The following NFYB variants were observed in gnomAD, a reference collection of about 807,000 sequenced individuals.
NFYB encodes nuclear transcription factor Y subunit beta.
A neutral mutation model predicts 28.0 loss-of-function variants in NFYB; 13 were observed. The observed-to-expected ratio is 0.46, with a 90% CI of 0.30 to 0.74. The LOEUF (loss-of-function observed/expected upper bound fraction) is 0.74, where lower values mean the gene tolerates loss of function less well. NFYB is among the 30% of genes least tolerant of loss of function. The probability of loss-of-function intolerance (pLI) is 0.07; values close to 1 mark genes in which losing one functional copy is unlikely to be tolerated. For missense variants in NFYB, 142 were observed against 247.6 expected (o/e 0.57, Z 2.86); for synonymous variants, 74 against 75.0 (o/e 0.99, Z 0.07).
At chr12:104,132,043 C>A (rs933151961) in intron 2 of NFYB, among the ~76,000 whole-genome samples, 1 of 152,182 alleles carries the variant, frequency 6.6e-6, no homozygotes, top group African/African-American at 2.4e-5. Flanking sequence ...AATGGGCATA[C>A]TCAGTAAGTG....
chr12:104,119,906 C>A, intron 7 of NFYB, 137 bp from the exon 8 acceptor site: 1 of 616,678 alleles, frequency 1.6e-6, no homozygotes, highest in African/African-American at 1.8e-5. Flanking sequence ...TTCTAGAAAT[C>A]TCCTATGCAA....
chr12:104,132,805 CCTG>C (rs2030972531), intron 2 of NFYB, among the ~76,000 whole-genome samples: 1 of 152,116 alleles, frequency 6.6e-6, no homozygotes, highest in African/African-American at 2.4e-5. Flanking sequence ...ACTTGAAAGG[CCTG>C]ATATGAGACT....
At position 104,126,234 on chromosome 12, in the gene NFYB, G is replaced by A. The variant is rs753930355; in HGVS notation, c.111C>T (p.Asp37=). The change falls in exon 4 of 8, where the codon GAC becomes GAT. Residue 37 remains aspartate (D), a synonymous_variant. Coordinates refer to ENST00000240055, the MANE Select transcript of NFYB (RefSeq NM_006166.4). ...YVIQPHDDTE[D]SMNDHEDTNG... The stretch of plus-strand genomic sequence containing the variant: ...TTGTGTCTTCATGATCATTCATGCT[G>A]TCCTCAGTATCTAAAGAAATAAAAA... The A allele has an allele frequency of 1.1e-5, 18 of 1,584,200 alleles. No individual in the cohort carries two copies. Among genetic ancestry groups the A allele is most frequent in the Non-Finnish European group, 1.2e-5 (14 of 1,168,628 alleles).
At position 104,118,308 on chromosome 12, in the gene NFYB, A is replaced by C. The variant is rs1395781438; in HGVS notation, c.*1429T>G. The C allele has an allele frequency of 1.3e-5, 2 of 152,550 alleles. No homozygotes were observed. Among genetic ancestry groups the C allele is most frequent in the Non-Finnish European group, 2.9e-5 (2 of 68,032 alleles). The allele number at this position is 152,550 out of a possible 1,614,324, so 9.4% of individuals were successfully genotyped here. A position where few individuals can be genotyped will look rare whatever the true frequency, so the allele number is the denominator to read the frequency against. On this transcript the variant is annotated 3_prime_UTR_variant, in exon 8 of 8. Transcript: ENST00000240055. ...CCATTTTTTCCTATTTGAATTTACT[A>C]CAATGAAGTTTGTTTTTTAAATGGA...
At chr12:104,132,779 G>A (rs1482809228) in intron 2 of NFYB, among the ~76,000 whole-genome samples, 1 of 152,232 alleles carries the variant, frequency 6.6e-6, no homozygotes, top group East Asian at 1.9e-4. Flanking sequence ...AGTGGTGCCA[G>A]TATGTCCAGT....
At chr12:104,132,362 G>A (rs1020690407) in intron 2 of NFYB, among the ~76,000 whole-genome samples, 8 of 151,998 alleles carry the variant, frequency 5.3e-5, no homozygotes. Flanking sequence ...CGGTGGACAA[G>A]AGGAAATCAA....
At position 104,119,536 on chromosome 12, in the gene NFYB, CA is replaced by C. The variant is rs2030385947; in HGVS notation, c.*200del. On this transcript the variant is annotated 3_prime_UTR_variant, in exon 8 of 8. Coordinates refer to ENST00000240055, the MANE Select transcript of NFYB (RefSeq NM_006166.4). Reference sequence around the variant, plus strand: ...AAAATATTTTAATACCTTTAAAATCCAAATTTTTCTTTAAAATCATTCATGA... The same window carrying C: ...AAAATATTTTAATACCTTTAAAATCCAATTTTTCTTTAAAATCATTCATGA... 1 of 472,458 alleles carries C rather than the reference CA, an allele frequency of 2.1e-6. No individual in the cohort carries two copies. Among genetic ancestry groups the C allele is most frequent in the African/African-American group, 1.9e-5 (1 of 51,726 alleles). 29.3% of individuals were successfully genotyped at this position (472,458 alleles called of 1,614,324 possible).
intron 3 of NFYB, 96 bp from the exon 4 acceptor site, chr12:104,126,340 G>T: frequency 1.1e-6 from 1 of 927,292 alleles, no homozygotes. Context: ...AATCATTCTG[G>T]TTCACCTCTT....
intron 1 of NFYB, 134 bp downstream of exon 1, chr12:104,138,007 G>A (rs2031186589): frequency 6.8e-6 from 1 of 146,068 alleles, no homozygotes. Flanking sequence ...GGCCCGCGCG[G>A]GAGGGCGGGA....
At chr12:104,121,749 A>AT (rs947523063) in intron 5 of NFYB, among the ~76,000 whole-genome samples, 6 of 152,140 alleles carry the variant, frequency 3.9e-5, no homozygotes, top group African/African-American at 1.4e-4. Flanking sequence ...AAAATTCCTA[A>AT]ATTAATTTGG....
chr12:104,135,920 C>CCCTTG (rs773166665), intron 1 of NFYB, among the ~76,000 whole-genome samples: 43 of 152,230 alleles, frequency 2.8e-4, no homozygotes, highest in Non-Finnish European at 6.2e-4. Context: ...ACTCAAGATG[C>CCCTTG]AAACACACCC....
rs748464620 is a variant in NFYB, at chr12:104,120,481, TA to T, written c.512-3del. 1 of 1,611,952 alleles carries T rather than the reference TA, an allele frequency of 6.2e-7. No individual in the cohort carries two copies. Among genetic ancestry groups the T allele is most frequent in the Non-Finnish European group, 8.5e-7 (1 of 1,178,236 alleles). On this transcript the variant is annotated splice_polypyrimidine_tract_variant and splice_region_variant and intron_variant, in intron 6 of 7. Coordinates refer to ENST00000240055, the MANE Select transcript of NFYB (RefSeq NM_006166.4). ...TTAAGCCAGCTGGTAACTGGTTAGC[TA>T]AAAGAAAAAAAATTAGTTAAAGAGG... is the stretch of plus-strand genomic sequence containing the variant.
chr12:104,118,756 T>C lies in NFYB; in HGVS notation c.*981A>G, dbSNP rs2030355525. On this transcript the variant is annotated 3_prime_UTR_variant, in exon 8 of 8. Transcript: ENST00000240055. ...TCACTCTGTTCTCCATTTCATCCACTCACCCATGCAAAAGGTCTGTACACG... is the reference window on the plus strand; with the variant it reads ...TCACTCTGTTCTCCATTTCATCCACCCACCCATGCAAAAGGTCTGTACACG... 1 of 152,146 alleles carries C rather than the reference T, an allele frequency of 6.6e-6. No individual in the cohort carries two copies. The highest frequency in any genetic ancestry group is 6.6e-5 in the Admixed American group (1 of 15,262). 9.4% of individuals were successfully genotyped at this position (152,146 alleles called of 1,614,324 possible).
intron 2 of NFYB, among the ~76,000 whole-genome samples, chr12:104,129,687 T>G (rs991238442): frequency 1.3e-5 from 2 of 152,096 alleles, no homozygotes; most frequent in Admixed American, 1.3e-4. Context: ...AAGATCAGCC[T>G]GGGCAACACA....
chr12:104,128,519 T>G lies in NFYB; in HGVS notation c.7-2A>C, dbSNP rs2030808237. On this transcript the variant is annotated splice_acceptor_variant, in intron 2 of 7. Transcript: ENST00000240055. LOFTEE classifies it high-confidence loss of function. ...TGTTGTAGAACTGTCACCATCCATC[T>G]ATGAGGAGAAAAACAGTTTTTCAAT... The G allele has an allele frequency of 6.2e-7, 1 of 1,606,750 alleles. No homozygotes were observed. Among genetic ancestry groups the G allele is most frequent in the Non-Finnish European group, 8.5e-7 (1 of 1,175,024 alleles).
chr12:104,133,351 T>C (rs7310193), intron 2 of NFYB, among the ~76,000 whole-genome samples: 95,916 of 152,080 alleles, frequency 0.63, 31,944 homozygotes, highest in East Asian at 0.9. Flanking sequence ...AATTTGTCCC[T>C]TTTACATTCT....
Position 104,126,259 on chromosome 12 carries a change from A to G in NFYB, c.101-15T>C. 1 of 1,534,376 alleles carries G rather than the reference A, an allele frequency of 6.5e-7. No individual in the cohort carries two copies. The highest frequency in any genetic ancestry group is 8.7e-7 in the Non-Finnish European group (1 of 1,146,976). ...GTCCTCAGTATCTAAAGAAATAAAA[A>G]TATTTAGGTGTAAAGCTTCTTATTA... On this transcript the variant is annotated splice_polypyrimidine_tract_variant and intron_variant, in intron 3 of 7. Coordinates refer to ENST00000240055, the MANE Select transcript of NFYB (RefSeq NM_006166.4).
chr12:104,123,431 G>C lies in NFYB; in HGVS notation c.232-8C>G. 1 of 1,611,870 alleles carries C rather than the reference G, an allele frequency of 6.2e-7. No individual in the cohort carries two copies. Among genetic ancestry groups the C allele is most frequent in the Non-Finnish European group, 8.5e-7 (1 of 1,178,674 alleles). On this transcript the variant is annotated splice_polypyrimidine_tract_variant and splice_region_variant and intron_variant, in intron 4 of 7. Transcript: ENST00000240055. ...TTTGGCATCTTTTGCAATCTGAAGA[G>C]AAAATCATAGGTAAATTACAGAAAC...
chr12:104,121,349 G>A (rs1328148138), intron 5 of NFYB, 28 bp from the exon 6 acceptor site: 1 of 1,555,366 alleles, frequency 6.4e-7, no homozygotes. Context: ...AAAAGTCACT[G>A]ATATTCAAAT....
Sources: gnomAD v4.1 joint callset for allele counts (sites outside exome capture counted in the v4.1 genomes callset) on GRCh38, gnomAD v4.1.1 for gene constraint, MANE v1.5 for transcripts, NCBI Gene and HGNC (gene_info 2026-07-23, HGNC 2026-07-21) for gene names.